NFX1: variants seen among roughly 807,000 people sequenced by gnomAD.
NFX1 encodes nuclear transcription factor, X-box binding 1, also known as transcriptional repressor NF-X1.
Under a neutral mutation model 137.2 loss-of-function variants are expected in NFX1, and 69 were observed. The observed-to-expected ratio is 0.50, with a 90% CI of 0.41 to 0.61. The LOEUF (loss-of-function observed/expected upper bound fraction) is 0.61. Among genes scored for constraint, NFX1 ranks in the 20% least tolerant of loss-of-function variants. The probability of loss-of-function intolerance (pLI) is 0.00; values close to 1 mark genes in which losing one functional copy is unlikely to be tolerated. For synonymous variants in NFX1, 495 were observed against 474.1 expected, an observed-to-expected ratio of 1.04 and a Z score of -0.57; for missense variants, 1,167 against 1,391.0, an observed-to-expected ratio of 0.84 and a Z score of 2.56.
intron 9 of NFX1, among the ~76,000 whole-genome samples, chr9:33,323,775 AAACAAAT>A (rs1389771831): frequency 2.0e-5 from 3 of 151,020 alleles, no homozygotes; most frequent in Admixed American, 2.0e-4. Context: ...AAACAAAAAA[AAACAAAT>A]AAATAAATAT....
intron 4 of NFX1, 99 bp from the exon 5 acceptor site, chr9:33,307,095 C>G (rs767023807): frequency 9.9e-6 from 8 of 806,358 alleles, no homozygotes; most frequent in Non-Finnish European, 1.6e-5. Flanking sequence ...AAAAACCACA[C>G]TAAAGTTGCA....
At chr9:33,315,840 T>A (rs1822142722) in intron 7 of NFX1, among the ~76,000 whole-genome samples, 1 of 150,906 alleles carries the variant, frequency 6.6e-6, no homozygotes. Context: ...TGCAGTGAGC[T>A]GAGATCATGC....
intron 4 of NFX1, among the ~76,000 whole-genome samples, chr9:33,305,665 A>G (rs945434310): frequency 2.0e-5 from 3 of 152,210 alleles, no homozygotes; most frequent in Admixed American, 1.3e-4. Context: ...ATAGAAAAAT[A>G]TGGTGTTAGG....
chr9:33,343,732 T>C (rs1326634768), intron 13 of NFX1, among the ~76,000 whole-genome samples: 1 of 152,194 alleles, frequency 6.6e-6, no homozygotes. Flanking sequence ...CACTGAGTTA[T>C]GTGATCTTTG....
At chr9:33,346,600 G>A (rs762213097) in intron 14 of NFX1, among the ~76,000 whole-genome samples, 8 of 152,198 alleles carry the variant, frequency 5.3e-5, no homozygotes, top group Non-Finnish European at 1.0e-4. Flanking sequence ...TGTAGGAGGT[G>A]AGTTTTGATG....
chr9:33,338,893 G>A (rs943695881), intron 12 of NFX1, among the ~76,000 whole-genome samples: 10 of 151,988 alleles, frequency 6.6e-5, no homozygotes, highest in Non-Finnish European at 1.3e-4. Flanking sequence ...CACAGTCTTC[G>A]GCAGAAGATT....
chr9:33,348,722 A>G (rs937426749), intron 15 of NFX1: 2 of 982,086 alleles, frequency 2.0e-6, no homozygotes, highest in Middle Eastern at 5.2e-4. Flanking sequence ...GAAGTCCAAT[A>G]AGAAATGCAT....
At chr9:33,335,731 A>G (rs1437676465) in intron 11 of NFX1, among the ~76,000 whole-genome samples, 2 of 152,098 alleles carry the variant, frequency 1.3e-5, no homozygotes, top group Non-Finnish European at 2.9e-5. Flanking sequence ...CCAGGTAACC[A>G]CTGATCTGCT....
At chr9:33,362,093 C>G (rs1244097755) in intron 19 of NFX1, among the ~76,000 whole-genome samples, 2 of 150,282 alleles carry the variant, frequency 1.3e-5, no homozygotes, top group Non-Finnish European at 3.0e-5. Context: ...TGCACTCCAG[C>G]CTGGGCAACA....
chr9:33,320,826 G>T (rs1822357495), intron 9 of NFX1, among the ~76,000 whole-genome samples: 1 of 152,198 alleles, frequency 6.6e-6, no homozygotes, highest in Admixed American at 6.6e-5. Context: ...TTTAGGTTTG[G>T]TTTCCATTTC....
At chr9:33,365,084 GC>G in intron 21 of NFX1, 1 of 748,152 alleles carries the variant, frequency 1.3e-6, no homozygotes, top group Non-Finnish European at 1.7e-6. Context: ...GATCAGCTTG[GC>G]CAACATGACG....
chr9:33,332,608 T>C (rs1822848618), intron 11 of NFX1, 106 bp downstream of exon 11: 1 of 743,048 alleles, frequency 1.3e-6, no homozygotes, highest in East Asian at 2.8e-5. Context: ...AGTGAAGGCA[T>C]ACTTAAGATT....
At chr9:33,367,200 A>G (rs1174157702) in intron 22 of NFX1, among the ~76,000 whole-genome samples, 1 of 152,218 alleles carries the variant, frequency 6.6e-6, no homozygotes, top group Non-Finnish European at 1.5e-5. Context: ...TGTTTTTGCC[A>G]TCAGAGGAAA....
At chr9:33,367,643 A>C in intron 23 of NFX1, 24 bp downstream of exon 23, 2 of 1,608,742 alleles carry the variant, frequency 1.2e-6, no homozygotes, top group Non-Finnish European at 1.7e-6. Flanking sequence ...GCTGCTTTCC[A>C]AGGGGACCTG....
chr9:33,320,086 C>T (rs554106665), intron 9 of NFX1, among the ~76,000 whole-genome samples: 2 of 151,728 alleles, frequency 1.3e-5, no homozygotes, highest in South Asian at 2.1e-4. Context: ...CTTGGCCTCC[C>T]GAGTAGCTGG....
At chr9:33,322,908 G>C (rs939601988) in intron 9 of NFX1, among the ~76,000 whole-genome samples, 2 of 152,334 alleles carry the variant, frequency 1.3e-5, no homozygotes, top group South Asian at 4.1e-4. Flanking sequence ...GGGAAAGGTA[G>C]CTAAGAGGAG....
At chr9:33,355,476 G>A (rs60776701) in intron 19 of NFX1, among the ~76,000 whole-genome samples, 14,785 of 151,858 alleles carry the variant, frequency 0.097, 845 homozygotes, top group East Asian at 0.16. Flanking sequence ...GGCTTCTTTC[G>A]TTATATTTTT....
intron 11 of NFX1, among the ~76,000 whole-genome samples, chr9:33,336,689 C>G (rs577695344): frequency 1.3e-5 from 2 of 152,342 alleles, no homozygotes; most frequent in African/African-American, 4.8e-5. Flanking sequence ...CAGCCTTGAT[C>G]TCCTGGGCTC....
intron 1 of NFX1, among the ~76,000 whole-genome samples, chr9:33,291,212 C>A (rs1015594057): frequency 1.3e-5 from 2 of 152,192 alleles, no homozygotes; most frequent in Admixed American, 1.3e-4. Context: ...GATATAACAT[C>A]CATTTCCTCA....
Sources: allele counts gnomAD v4.1 joint callset (sites outside exome capture counted in the v4.1 genomes callset), GRCh38; gene constraint gnomAD v4.1.1; transcripts MANE v1.5; gene names NCBI Gene and HGNC (gene_info 2026-07-23, HGNC 2026-07-21).